Variants in MAGI2 observed in about 807,000 individuals in gnomAD.
The protein encoded by MAGI2 is membrane associated guanylate kinase, WW and PDZ domain containing 2.
Under a neutral mutation model 133.3 loss-of-function variants are expected in MAGI2, and 35 were observed. That is an observed-to-expected ratio of 0.26 (90% CI 0.20 to 0.35). The LOEUF (loss-of-function observed/expected upper bound fraction) is 0.35. Ranked by LOEUF, MAGI2 falls within the 10% of genes least tolerant of loss-of-function variation. The probability of loss-of-function intolerance (pLI) is 1.00; values close to 1 mark genes in which losing one functional copy is unlikely to be tolerated. For missense variants in MAGI2, 1,636 were observed against 1,863.4 expected (o/e 0.88, Z 2.25); for synonymous variants, 729 against 710.6 (o/e 1.03, Z -0.41).
intron 20 of MAGI2, among the ~76,000 whole-genome samples, chr7:78,121,079 T>C (rs1182648110): frequency 6.7e-6 from 1 of 148,518 alleles, no homozygotes; most frequent in Admixed American, 6.6e-5. Flanking sequence ...AGGTTCTACC[T>C]TATATCATAC....
chr7:78,565,600 A>G (rs1462318847), intron 3 of MAGI2, among the ~76,000 whole-genome samples: 1 of 152,202 alleles, frequency 6.6e-6, no homozygotes, highest in Non-Finnish European at 1.5e-5. Context: ...ACACCATTAA[A>G]ACACGTAAGA....
intron 9 of MAGI2, among the ~76,000 whole-genome samples, chr7:78,341,649 A>G (rs1209363358): frequency 6.6e-6 from 1 of 152,186 alleles, no homozygotes; most frequent in Non-Finnish European, 1.5e-5. Context: ...CTCAGAAATA[A>G]ACACCATACA....
intron 7 of MAGI2, among the ~76,000 whole-genome samples, chr7:78,350,722 C>T (rs1014584846): frequency 1.3e-5 from 2 of 152,142 alleles, no homozygotes; most frequent in African/African-American, 2.4e-5. Flanking sequence ...GTTTGCCTGC[C>T]ATTTTCTTCA....
intron 1 of MAGI2, among the ~76,000 whole-genome samples, chr7:79,187,903 CA>C (rs879369587): frequency 1.3e-5 from 2 of 151,018 alleles, no homozygotes; most frequent in Non-Finnish European, 3.0e-5. Flanking sequence ...TAAAGTTATG[CA>C]AAAAAAATTG....
chr7:79,235,338 G>C (rs966037327), intron 1 of MAGI2, among the ~76,000 whole-genome samples: 3 of 152,052 alleles, frequency 2.0e-5, no homozygotes, highest in African/African-American at 7.2e-5. Context: ...CGAGCTTCCC[G>C]GCTGCTTTGT....
At chr7:78,234,843 A>C (rs1790360928) in intron 10 of MAGI2, among the ~76,000 whole-genome samples, 1 of 152,178 alleles carries the variant, frequency 6.6e-6, no homozygotes, top group Admixed American at 6.5e-5. Flanking sequence ...CACCCAGTCC[A>C]TTTAAATTTC....
At chr7:79,390,543 G>A (rs1206361492) in intron 1 of MAGI2, among the ~76,000 whole-genome samples, 3 of 152,138 alleles carry the variant, frequency 2.0e-5, no homozygotes, top group Non-Finnish European at 4.4e-5. Flanking sequence ...AGTATGAGAT[G>A]CTGGAGGAGG....
chr7:79,305,120 T>C (rs962356145), intron 1 of MAGI2, among the ~76,000 whole-genome samples: 1 of 152,166 alleles, frequency 6.6e-6, no homozygotes, highest in Non-Finnish European at 1.5e-5. Flanking sequence ...CAACATTATC[T>C]TACATTATCA....
chr7:78,129,324 A>G (rs1821308453), intron 18 of MAGI2, among the ~76,000 whole-genome samples: 1 of 51,258 alleles, frequency 2.0e-5, no homozygotes, highest in South Asian at 4.8e-4. Flanking sequence ...TTAATAAGGG[A>G]AACATACTAA....
At chr7:79,304,828 G>C (rs1837660588) in intron 1 of MAGI2, among the ~76,000 whole-genome samples, 1 of 152,158 alleles carries the variant, frequency 6.6e-6, no homozygotes, top group Admixed American at 6.6e-5. Context: ...ACATGATATG[G>C]AAAAGGAATG....
At chr7:79,078,297 GT>G (rs36002774) in intron 1 of MAGI2, among the ~76,000 whole-genome samples, 117,194 of 151,246 alleles carry the variant, frequency 0.77, 46,335 homozygotes, top group Non-Finnish European at 0.86. Context: ...TCCATAGGTG[GT>G]TTTTTTTTTA....
chr7:78,184,053 T>A (rs1827453235), intron 13 of MAGI2, among the ~76,000 whole-genome samples: 1 of 152,260 alleles, frequency 6.6e-6, no homozygotes. Flanking sequence ...GTAAAAACTA[T>A]TACTTTGCAT....
chr7:78,165,486 A>G (rs4730089), intron 15 of MAGI2, among the ~76,000 whole-genome samples: 14,985 of 152,218 alleles, frequency 0.098, 802 homozygotes, highest in East Asian at 0.17. Context: ...TTAAAAAGCC[A>G]GTGCCCTCTG....
At chr7:78,398,199 C>T (rs1342577044) in intron 6 of MAGI2, among the ~76,000 whole-genome samples, 1 of 152,098 alleles carries the variant, frequency 6.6e-6, no homozygotes, top group African/African-American at 2.4e-5. Context: ...AGTCAGAAAT[C>T]GAAACAGCAG....
At chr7:79,396,628 C>T (rs1234489023) in intron 1 of MAGI2, among the ~76,000 whole-genome samples, 2 of 152,084 alleles carry the variant, frequency 1.3e-5, no homozygotes, top group African/African-American at 4.8e-5. Context: ...TTAATTATGT[C>T]AATTTATGTC....
At chr7:78,530,524 A>G (rs956528402) in intron 3 of MAGI2, among the ~76,000 whole-genome samples, 3 of 152,198 alleles carry the variant, frequency 2.0e-5, no homozygotes, top group Admixed American at 6.5e-5. Flanking sequence ...CGCCCTCTTT[A>G]TAATTAGTCA....
At chr7:78,722,377 A>G (rs1423055046) in intron 2 of MAGI2, among the ~76,000 whole-genome samples, 1 of 151,974 alleles carries the variant, frequency 6.6e-6, no homozygotes, top group Non-Finnish European at 1.5e-5. Flanking sequence ...TCTGCATGGG[A>G]ACATGTTTCA....
intron 2 of MAGI2, among the ~76,000 whole-genome samples, chr7:78,920,686 CTTT>C (rs1799156049): frequency 6.6e-6 from 1 of 151,960 alleles, no homozygotes. Flanking sequence ...TATCTTTCAC[CTTT>C]TTTCCTCTTC....
At chr7:78,550,790 CTT>C (rs1428858789) in intron 3 of MAGI2, among the ~76,000 whole-genome samples, 1 of 150,980 alleles carries the variant, frequency 6.6e-6, no homozygotes, top group Non-Finnish European at 1.5e-5. Context: ...CATTGTGACT[CTT>C]ATAGCTAATC....
Sources: gnomAD v4.1 joint callset for allele counts (sites outside exome capture counted in the v4.1 genomes callset) on GRCh38, gnomAD v4.1.1 for gene constraint, MANE v1.5 for transcripts, NCBI Gene and HGNC (gene_info 2026-07-23, HGNC 2026-07-21) for gene names.